ANO2: variants seen among roughly 807,000 people sequenced by gnomAD.
The protein encoded by ANO2 is anoctamin 2.
Under a neutral mutation model 124.2 loss-of-function variants are expected in ANO2, and 101 were observed. The ratio of observed to expected loss-of-function variants is 0.81; its 90% CI spans 0.69 to 0.96. ANO2 has a LOEUF of 0.96. Among genes scored for constraint, ANO2 ranks in the 40% least tolerant of loss-of-function variants. The pLI is 0.00. For missense variants in ANO2, 1,293 were observed against 1,274.5 expected (o/e 1.01, Z -0.22); for synonymous variants, 486 against 482.5 (o/e 1.01, Z -0.09).
At chr12:5,797,675 T>C (rs11063870) in intron 10 of ANO2, among the ~76,000 whole-genome samples, 48,237 of 152,064 alleles carry the variant, frequency 0.32, 7,907 homozygotes, top group African/African-American at 0.37. Flanking sequence ...CCATCTGCCT[T>C]GGCTCCCCAC....
At chr12:5,880,480 A>G (rs186320155) in intron 3 of ANO2, among the ~76,000 whole-genome samples, 2 of 152,082 alleles carry the variant, frequency 1.3e-5, no homozygotes, top group Admixed American at 6.5e-5. Context: ...TGATACTTCA[A>G]TGACAGATAA....
intron 4 of ANO2, among the ~76,000 whole-genome samples, chr12:5,848,397 T>G (rs1954755324): frequency 6.6e-6 from 1 of 150,662 alleles, no homozygotes; most frequent in African/African-American, 2.4e-5. Flanking sequence ...TTATCTGTCC[T>G]TTTACAACCA....
intron 14 of ANO2, among the ~76,000 whole-genome samples, chr12:5,732,130 T>TA (rs1950666401): frequency 6.6e-6 from 1 of 152,212 alleles, no homozygotes; most frequent in Non-Finnish European, 1.5e-5. Context: ...TGAGATAATG[T>TA]AATACACTTA....
At chr12:5,676,445 C>G (rs191359483) in intron 14 of ANO2, among the ~76,000 whole-genome samples, 415 of 152,284 alleles carry the variant, frequency 2.7e-3, no homozygotes, top group Admixed American at 4.8e-3. Context: ...GTAGAAAACT[C>G]AGGTCACAAA....
intron 14 of ANO2, among the ~76,000 whole-genome samples, chr12:5,696,099 A>C (rs555621041): frequency 4.2e-4 from 64 of 152,254 alleles, no homozygotes; most frequent in African/African-American, 1.5e-3. Context: ...ACAACAAAGA[A>C]AAACAGAGTT....
intron 10 of ANO2, among the ~76,000 whole-genome samples, chr12:5,751,898 C>G (rs554283732): frequency 2.0e-5 from 3 of 150,620 alleles, no homozygotes; most frequent in African/African-American, 7.4e-5. Context: ...TCTCTGCAGC[C>G]CCTGTTAACC....
intron 19 of ANO2, among the ~76,000 whole-genome samples, chr12:5,611,115 C>T (rs969151314): frequency 2.7e-4 from 41 of 151,704 alleles, no homozygotes; most frequent in Non-Finnish European, 1.9e-4. Flanking sequence ...GGACTACAGG[C>T]GCACACAACC....
intron 10 of ANO2, among the ~76,000 whole-genome samples, chr12:5,788,924 A>G (rs1421189504): frequency 6.6e-6 from 1 of 152,220 alleles, no homozygotes; most frequent in East Asian, 1.9e-4. Context: ...GGATGCTGAG[A>G]GGTCTGAGTC....
At chr12:5,568,562 T>C (rs925470628) in intron 23 of ANO2, among the ~76,000 whole-genome samples, 7 of 152,318 alleles carry the variant, frequency 4.6e-5, no homozygotes, top group Admixed American at 3.9e-4. Context: ...GATTTCACAA[T>C]TGTTTTTAAA....
chr12:5,859,617 C>T (rs1565729204), intron 3 of ANO2, among the ~76,000 whole-genome samples: 1 of 152,052 alleles, frequency 6.6e-6, no homozygotes, highest in Non-Finnish European at 1.5e-5. Flanking sequence ...CTCACTGCAA[C>T]CACCTCCCAG....
chr12:5,645,450 C>CAT (rs1411302715), intron 15 of ANO2, among the ~76,000 whole-genome samples: 1 of 136,318 alleles, frequency 7.3e-6, no homozygotes, highest in Non-Finnish European at 1.6e-5. Context: ...TGTGTGTACA[C>CAT]ATATATATAC....
chr12:5,822,147 G>A (rs1953820760), intron 7 of ANO2, among the ~76,000 whole-genome samples: 2 of 152,214 alleles, frequency 1.3e-5, no homozygotes, highest in South Asian at 4.1e-4. Flanking sequence ...TAGTGCACCT[G>A]GTTGTGCACT....
In ANO2 at chr12:5,922,728, A is replaced by G. The variant is rs1353685901; in HGVS notation, c.99T>C (p.His33=). The G allele has an allele frequency of 1.2e-6, 2 of 1,600,162 alleles. No individual in the cohort carries two copies. Among genetic ancestry groups the G allele is most frequent in the Non-Finnish European group, 1.7e-6 (2 of 1,174,614 alleles). Residue 33 remains histidine (H), a synonymous_variant, in exon 2 of 25, where the codon CAT becomes CAC. Transcript: ENST00000682330. ...CTGGCATCTTGAGACACTGCTGTCC[A>G]TGTTTGGGGCCCTGGCCCCCTCTGG... The part of the protein sequence containing the change: ...AGSRGGQGPK[H]GQQCLKMPGP...
intron 3 of ANO2, among the ~76,000 whole-genome samples, chr12:5,905,970 G>T (rs139482841): frequency 6.6e-6 from 1 of 151,970 alleles, no homozygotes; most frequent in African/African-American, 2.4e-5. Flanking sequence ...TTCTCTCTTC[G>T]GGCGTCTCCT....
intron 14 of ANO2, among the ~76,000 whole-genome samples, chr12:5,703,597 T>C (rs1343686502): frequency 6.6e-6 from 1 of 152,162 alleles, no homozygotes; most frequent in Middle Eastern, 3.2e-3. Flanking sequence ...TGGAGTGCAG[T>C]GGCACAATCA....
chr12:5,719,782 A>G (rs536062032), intron 14 of ANO2, among the ~76,000 whole-genome samples: 7 of 152,172 alleles, frequency 4.6e-5, no homozygotes, highest in African/African-American at 7.2e-5. Context: ...ATACCACTCT[A>G]AAGTGCACGT....
chr12:5,786,790 G>T (rs1189397821), intron 10 of ANO2, among the ~76,000 whole-genome samples: 1 of 152,182 alleles, frequency 6.6e-6, no homozygotes, highest in Non-Finnish European at 1.5e-5. Flanking sequence ...AAACTGCCTG[G>T]GATTTGGGGC....
chr12:5,580,244 A>G (rs1450722621), intron 20 of ANO2, among the ~76,000 whole-genome samples: 1 of 152,236 alleles, frequency 6.6e-6, no homozygotes, highest in Non-Finnish European at 1.5e-5. Flanking sequence ...CATACAAAAT[A>G]TGTACAATGT....
intron 20 of ANO2, among the ~76,000 whole-genome samples, chr12:5,588,733 G>A (rs540694413): frequency 1.3e-5 from 2 of 152,304 alleles, no homozygotes; most frequent in East Asian, 3.9e-4. Context: ...GTTTTACCTT[G>A]TATTTCTAAA....
Sources: gnomAD v4.1 joint callset for allele counts (sites outside exome capture counted in the v4.1 genomes callset) on GRCh38, gnomAD v4.1.1 for gene constraint, MANE v1.5 for transcripts, NCBI Gene and HGNC (gene_info 2026-07-23, HGNC 2026-07-21) for gene names.